Variants in PTPRD observed in about 807,000 individuals in gnomAD.
PTPRD encodes protein tyrosine phosphatase receptor type D, also known as receptor-type tyrosine-protein phosphatase delta.
In PTPRD, 34 loss-of-function variants were observed where a neutral mutation model predicts 214.5. The ratio of observed to expected loss-of-function variants is 0.16; its 90% CI spans 0.12 to 0.21. PTPRD has a LOEUF of 0.21. PTPRD is among the 10% of genes least tolerant of loss of function. The pLI is 1.00. For missense variants in PTPRD, 2,545 were observed against 2,398.7 expected, an observed-to-expected ratio of 1.06 and a Z score of -1.27; for synonymous variants, 1,128 against 845.7, an observed-to-expected ratio of 1.33 and a Z score of -5.79.
chr9:9,473,409 T>C (rs1458925003), intron 8 of PTPRD, among the ~76,000 whole-genome samples: 1 of 152,218 alleles, frequency 6.6e-6, no homozygotes, highest in Non-Finnish European at 1.5e-5. Flanking sequence ...ATCTTGTCTA[T>C]TGCGAATAAA....
chr9:8,946,456 G>A (rs1261232908), intron 11 of PTPRD, among the ~76,000 whole-genome samples: 2 of 152,064 alleles, frequency 1.3e-5, no homozygotes, highest in East Asian at 3.9e-4. Context: ...GTAATACGAG[G>A]TTAATAATAC....
At chr9:10,327,748 G>T (rs563316416) in intron 3 of PTPRD, among the ~76,000 whole-genome samples, 1 of 151,656 alleles carries the variant, frequency 6.6e-6, no homozygotes, top group African/African-American at 2.4e-5. Flanking sequence ...GTACAAAAAA[G>T]TGAATACTCA....
At chr9:9,240,971 G>A (rs1415076850) in intron 9 of PTPRD, among the ~76,000 whole-genome samples, 1 of 152,042 alleles carries the variant, frequency 6.6e-6, no homozygotes, top group Non-Finnish European at 1.5e-5. Flanking sequence ...AGAAAGGATA[G>A]AAAGAACTCT....
chr9:10,111,560 T>C (rs562589863), intron 3 of PTPRD, among the ~76,000 whole-genome samples: 3 of 152,164 alleles, frequency 2.0e-5, no homozygotes, highest in Non-Finnish European at 4.4e-5. Context: ...CTTATACCAA[T>C]AGAAGGTTCA....
At chr9:8,992,650 C>G (rs936093006) in intron 11 of PTPRD, among the ~76,000 whole-genome samples, 1 of 152,160 alleles carries the variant, frequency 6.6e-6, no homozygotes, top group Non-Finnish European at 1.5e-5. Context: ...GAGTCTTGAA[C>G]AAACTGTGCT....
At chr9:8,923,920 G>A (rs1191655244) in intron 11 of PTPRD, among the ~76,000 whole-genome samples, 3 of 152,106 alleles carry the variant, frequency 2.0e-5, no homozygotes, top group Admixed American at 6.6e-5. Context: ...GTCTATATTT[G>A]AAGCTTCCAA....
At chr9:8,492,752 C>A (rs2097177361) in intron 27 of PTPRD, 110 bp downstream of exon 27, 2 of 666,550 alleles carry the variant, frequency 3.0e-6, no homozygotes, top group East Asian at 5.7e-5. Flanking sequence ...TGACCATAGT[C>A]CATTTATTTC....
At chr9:10,367,422 G>C (rs1362480157) in intron 2 of PTPRD, among the ~76,000 whole-genome samples, 1 of 152,070 alleles carries the variant, frequency 6.6e-6, no homozygotes, top group Non-Finnish European at 1.5e-5. Flanking sequence ...TTTACCTACT[G>C]TGTTACCGTT....
At chr9:8,885,529 T>C (rs2098480080) in intron 11 of PTPRD, among the ~76,000 whole-genome samples, 1 of 135,998 alleles carries the variant, frequency 7.4e-6, no homozygotes, top group Non-Finnish European at 1.5e-5. Context: ...CAAGTCTCGC[T>C]CTTGTCACCC....
At chr9:9,031,759 T>C (rs1481883997) in intron 10 of PTPRD, among the ~76,000 whole-genome samples, 2 of 151,960 alleles carry the variant, frequency 1.3e-5, no homozygotes, top group African/African-American at 4.8e-5. Context: ...CTGACAAAAG[T>C]ACTCAGATAA....
intron 9 of PTPRD, among the ~76,000 whole-genome samples, chr9:9,200,068 T>G (rs1038438557): frequency 4.6e-5 from 7 of 152,202 alleles, no homozygotes; most frequent in African/African-American, 1.7e-4. Flanking sequence ...CAGGGCATGG[T>G]TGAAGGCTAA....
At chr9:9,064,794 T>G (rs907058485) in intron 10 of PTPRD, among the ~76,000 whole-genome samples, 5 of 152,214 alleles carry the variant, frequency 3.3e-5, no homozygotes, top group Non-Finnish European at 7.3e-5. Context: ...ACTAGAGATT[T>G]GTGTTCAGAA....
chr9:9,024,368 T>G (rs2099580431), intron 10 of PTPRD, among the ~76,000 whole-genome samples: 1 of 141,984 alleles, frequency 7.0e-6, no homozygotes. Flanking sequence ...TTTTTTTTCC[T>G]GTATAAACAG....
At chr9:10,542,956 G>T (rs1340056544) in intron 2 of PTPRD, among the ~76,000 whole-genome samples, 1 of 151,932 alleles carries the variant, frequency 6.6e-6, no homozygotes, top group African/African-American at 2.4e-5. Context: ...TCTCCATGTT[G>T]GTCGCACTGG....
chr9:9,513,597 AC>A (rs899892776), intron 8 of PTPRD, among the ~76,000 whole-genome samples: 25 of 68,218 alleles, frequency 3.7e-4, no homozygotes, highest in African/African-American at 9.9e-4. Context: ...CAAAAAAAAA[AC>A]AAATAAAAAA....
chr9:8,941,233 A>G (rs1325116674), intron 11 of PTPRD, among the ~76,000 whole-genome samples: 2 of 152,240 alleles, frequency 1.3e-5, no homozygotes, highest in Non-Finnish European at 2.9e-5. Context: ...TGTGAAATCA[A>G]TAAGGAAGCA....
At chr9:8,555,364 G>A (rs929804228) in intron 14 of PTPRD, among the ~76,000 whole-genome samples, 1 of 152,172 alleles carries the variant, frequency 6.6e-6, no homozygotes, top group African/African-American at 2.4e-5. Flanking sequence ...CTGTGACTGC[G>A]CCACTGCACT....
rs564631945 is a variant in PTPRD, at chr9:9,499,029, CAAA to C, written c.-237+75700_-237+75702del. 3.9e-3 allele frequency among the ~76,000 whole-genome samples: 589 copies of C among 151,966 alleles called. 1 individual carries two copies. Among genetic ancestry groups the C allele is most frequent in the African/African-American group, 0.013 (553 of 41,462 alleles). ...TTTATCAATTGTTTCTCTGTCAGCT[CAAA>C]AGAGTAGACATTGTAGCCATTATTT... On this transcript the variant is annotated intron_variant, in intron 8 of 45. Coordinates refer to ENST00000381196, the MANE Select transcript of PTPRD (RefSeq NM_002839.4).
At chr9:9,996,766 G>A (rs1180433984) in intron 4 of PTPRD, among the ~76,000 whole-genome samples, 2 of 152,080 alleles carry the variant, frequency 1.3e-5, no homozygotes, top group African/African-American at 4.8e-5. Flanking sequence ...CATACGGCAA[G>A]GAATACAGAC....
Sources: gnomAD v4.1 joint callset for allele counts (sites outside exome capture counted in the v4.1 genomes callset) on GRCh38, gnomAD v4.1.1 for gene constraint, MANE v1.5 for transcripts, NCBI Gene and HGNC (gene_info 2026-07-23, HGNC 2026-07-21) for gene names.